The following ATP8B1 variants were observed in gnomAD, a reference collection of about 807,000 sequenced individuals.
The protein encoded by ATP8B1 is phospholipid-transporting ATPase IC.
Under a neutral mutation model 149.9 loss-of-function variants are expected in ATP8B1, and 80 were observed. The observed-to-expected ratio is 0.53, with a 90% CI of 0.45 to 0.64. ATP8B1 has a LOEUF of 0.64. Ranked by LOEUF, ATP8B1 falls within the 30% of genes least tolerant of loss-of-function variation. ATP8B1 has a pLI of 0.00. For missense variants in ATP8B1, 1,247 were observed against 1,552.6 expected, an observed-to-expected ratio of 0.80 and a Z score of 3.31; for synonymous variants, 536 against 562.8, an observed-to-expected ratio of 0.95 and a Z score of 0.67.
rs558436668 is a variant in ATP8B1, at chr18:57,794,104, G to A, written c.-26+8894C>T. ...ATTAAATAGGAAAGTGGGTGGACAC[G>A]TAGGGATAGTAGTATTTTTGGTTGG... On this transcript the variant is annotated intron_variant, in intron 1 of 27. Transcript: ENST00000648908. Among the ~76,000 whole-genome samples, 9 of 152,264 alleles carry A rather than the reference G, an allele frequency of 5.9e-5. 1 individual carries two copies. Among genetic ancestry groups the A allele is most frequent in the Admixed American group, 3.9e-4 (6 of 15,300 alleles).
intron 1 of ATP8B1, among the ~76,000 whole-genome samples, chr18:57,800,562 T>C (rs1364343986): frequency 6.6e-6 from 1 of 152,176 alleles, no homozygotes; most frequent in Non-Finnish European, 1.5e-5. Context: ...CTTAAAAATA[T>C]ACCAGATACC....
chr18:57,761,112 T>A (rs373547612), intron 1 of ATP8B1, among the ~76,000 whole-genome samples: 21,329 of 133,448 alleles, frequency 0.16, 1,984 homozygotes, highest in African/African-American at 0.21. Flanking sequence ...TAAAATAAAA[T>A]ATAAAATAAA....
In ATP8B1 at chr18:57,672,904, AT is replaced by A. The variant is rs1568189191; in HGVS notation, c.1820-1325del. ...AAAAAAAGTATATATATATATATAT[AT>A]ATATATATATATATATATATATATA... On this transcript the variant is annotated intron_variant, in intron 16 of 27. Transcript: ENST00000648908. Among the ~76,000 whole-genome samples the A allele has an allele frequency of 2.7e-3, 188 of 68,496 alleles. 21 individuals are homozygous for A. In the East Asian group the frequency reaches 0.067, roughly 25 times the overall value. 44.9% of individuals were successfully genotyped at this position (68,496 alleles called of 152,430 possible). A position where few individuals can be genotyped will look rare whatever the true frequency, so the allele number is the denominator to read the frequency against.
intron 17 of ATP8B1, among the ~76,000 whole-genome samples, chr18:57,670,028 A>T (rs899396204): frequency 2.6e-5 from 4 of 152,168 alleles, no homozygotes; most frequent in Non-Finnish European, 5.9e-5. Flanking sequence ...GGAAAAGCTT[A>T]CCTTTCTTCT....
Position 57,802,415 on chromosome 18 carries a change from G to T in ATP8B1, c.-26+583C>A, listed in dbSNP as rs1297039732. 6.6e-6 allele frequency among the ~76,000 whole-genome samples: 1 copy of T among 152,098 alleles called. No individual in the cohort carries two copies. The highest frequency in any genetic ancestry group is 1.5e-5 in the Non-Finnish European group (1 of 68,016). ...TCCCCTCCCCATCCCACAATAAAGC[G>T]CACGGAAGATGTCTGGGAGTACCTG... is the stretch of plus-strand genomic sequence containing the variant. On this transcript the variant is annotated intron_variant, in intron 1 of 27. Coordinates refer to ENST00000648908, the MANE Select transcript of ATP8B1 (RefSeq NM_001374385.1). This position sits in a 1 kb window ranked among gnomAD's most constrained non-coding sequence, Gnocchi z 4.9.
intron 1 of ATP8B1, among the ~76,000 whole-genome samples, chr18:57,738,393 G>A (rs1315651073): frequency 4.6e-5 from 7 of 152,188 alleles, no homozygotes; most frequent in Admixed American, 1.3e-4. Flanking sequence ...GAAGACCGAG[G>A]CGGGTGGATC....
chr18:57,718,134 AAG>A (rs1301728676), intron 2 of ATP8B1, among the ~76,000 whole-genome samples: 1 of 151,464 alleles, frequency 6.6e-6, no homozygotes, highest in Non-Finnish European at 1.5e-5. Flanking sequence ...AAAGCAAAAA[AAG>A]AGAGACCCAA....
chr18:57,668,817 T>C, intron 18 of ATP8B1: 2 of 398,150 alleles, frequency 5.0e-6, no homozygotes, highest in Non-Finnish European at 8.9e-6. Flanking sequence ...AATACACTTT[T>C]CTTGTGTATT....
intron 2 of ATP8B1, among the ~76,000 whole-genome samples, chr18:57,720,873 G>T (rs2079638159): frequency 6.6e-6 from 1 of 151,734 alleles, no homozygotes; most frequent in African/African-American, 2.4e-5. Flanking sequence ...TCAAAGGGAA[G>T]CCCATCAGAC....
At chr18:57,752,538 G>A (rs1201433372) in intron 1 of ATP8B1, among the ~76,000 whole-genome samples, 2 of 152,162 alleles carry the variant, frequency 1.3e-5, no homozygotes. Context: ...TATCCACTGA[G>A]TGAGGCATTC....
intron 27 of ATP8B1, among the ~76,000 whole-genome samples, chr18:57,648,932 C>T (rs1205929254): frequency 6.8e-6 from 1 of 147,476 alleles, no homozygotes; most frequent in Non-Finnish European, 1.5e-5. Context: ...CAGTCTCGCT[C>T]TGTCACCCAG....
chr18:57,716,163 C>A (rs1212506811), intron 2 of ATP8B1, among the ~76,000 whole-genome samples: 2 of 151,860 alleles, frequency 1.3e-5, no homozygotes, highest in African/African-American at 4.8e-5. Flanking sequence ...TACTTACAAG[C>A]CTCATGGTAA....
At position 57,695,466 on chromosome 18, in the gene ATP8B1, T is replaced by C. The variant is rs750288524; in HGVS notation, c.765A>G (p.Thr255=). 1 of 1,612,446 alleles carries C rather than the reference T, an allele frequency of 6.2e-7. No homozygotes were observed. Among genetic ancestry groups the C allele is most frequent in the South Asian group, 1.1e-5 (1 of 91,054 alleles). The change falls in exon 9 of 28, where the codon ACA becomes ACG. Residue 255 remains threonine (T), a synonymous_variant. Coordinates refer to ENST00000648908, the MANE Select transcript of ATP8B1 (RefSeq NM_001374385.1). ...ITDQYLQRED[T]LATFDGFIEC... ...GGTACAAACCATCAAATGTAGCCAA[T>C]GTATCTTCTCTTTGGAGGTACTGGT...
At chr18:57,651,253 GCGCCA>G in intron 26 of ATP8B1, among the ~76,000 whole-genome samples, 1 of 152,058 alleles carries the variant, frequency 6.6e-6, no homozygotes. Context: ...CTACAGGTGT[GCGCCA>G]CCACGCTTGG....
At chr18:57,799,474 G>C (rs1176413485) in intron 1 of ATP8B1, among the ~76,000 whole-genome samples, 1 of 152,168 alleles carries the variant, frequency 6.6e-6, no homozygotes, top group Non-Finnish European at 1.5e-5. Context: ...ACTTTGGGAG[G>C]CCACTTTGGT....
intron 2 of ATP8B1, 56 bp downstream of exon 2, chr18:57,731,571 C>T (rs935732138): frequency 1.9e-6 from 3 of 1,577,968 alleles, no homozygotes; most frequent in Non-Finnish European, 8.7e-7. Flanking sequence ...CACGTGTGGC[C>T]ATGACCCACA....
At chr18:57,731,160 A>T (rs1160575193) in intron 2 of ATP8B1, among the ~76,000 whole-genome samples, 1 of 151,974 alleles carries the variant, frequency 6.6e-6, no homozygotes, top group Non-Finnish European at 1.5e-5. Flanking sequence ...TACAAAAATT[A>T]GTTGGACATA....
At chr18:57,779,091 G>C (rs2080335756) in intron 1 of ATP8B1, among the ~76,000 whole-genome samples, 1 of 152,176 alleles carries the variant, frequency 6.6e-6, no homozygotes, top group Admixed American at 6.6e-5. Flanking sequence ...GGGAGGCTGA[G>C]GTGGGCAGAT....
chr18:57,669,347 C>G lies in ATP8B1; in HGVS notation c.2068G>C (p.Val690Leu). Residue 690 changes from valine to leucine, a missense_variant, in exon 18 of 28, where the codon GTA becomes CTA. By Grantham distance (32) the Val-to-Leu change is conservative. Around this residue, in one of 3 missense-constraint regions of ATP8B1, gnomAD observed 853 missense variants for 1,035.7 expected, o/e 0.82. Coordinates refer to ENST00000648908, the MANE Select transcript of ATP8B1 (RefSeq NM_001374385.1). The stretch of plus-strand genomic sequence containing the variant: ...AAGTCTTTTTCAATCTCCTCATATA[C>G]TTTATCCAGAGCTTCGTCCCGGTTG... Reference protein sequence around the residue: ...STNRDEALDKVYEEIEKDLIL... With the variant: ...STNRDEALDKLYEEIEKDLIL... 1 of 1,613,148 alleles carries G rather than the reference C, an allele frequency of 6.2e-7. No homozygotes were observed. The highest frequency in any genetic ancestry group is 8.5e-7 in the Non-Finnish European group (1 of 1,179,824).
Sources: gnomAD v4.1 joint callset for allele counts (sites outside exome capture counted in the v4.1 genomes callset) on GRCh38, gnomAD v4.1.1 for gene constraint, gnomAD v4.1.1 regional missense constraint, Gnocchi (gnomAD v3.1) non-coding constraint, MANE v1.5 for transcripts, NCBI Gene and HGNC (gene_info 2026-07-23, HGNC 2026-07-21) for gene names.